The following LIPN variants were observed in gnomAD, a reference collection of about 807,000 sequenced individuals.
The protein encoded by LIPN is lipase member N.
A neutral mutation model predicts 43.7 loss-of-function variants in LIPN; 32 were observed. The ratio of observed to expected loss-of-function variants is 0.73; its 90% CI spans 0.55 to 0.98. The LOEUF (loss-of-function observed/expected upper bound fraction) is 0.98. Ranked by LOEUF, LIPN falls within the 50% of genes least tolerant of loss-of-function variation. The pLI, the probability that LIPN is intolerant of heterozygous loss-of-function variation, is 0.00. For synonymous variants in LIPN, 156 were observed against 157.6 expected (o/e 0.99, Z 0.08); for missense variants, 505 against 483.8 (o/e 1.04, Z -0.41).
At chr10:88,760,285 T>C (rs1024074895) in intron 1 of LIPN, among the ~76,000 whole-genome samples, 179 bp downstream of exon 1, 7 of 152,154 alleles carry the variant, frequency 4.6e-5, no homozygotes, top group Non-Finnish European at 8.8e-5. Flanking sequence ...TTTTAATTGA[T>C]AAAATGAGGA....
upstream of LIPN, among the ~76,000 whole-genome samples, chr10:88,757,581 T>C (rs551794098): frequency 1.3e-5 from 2 of 152,276 alleles, no homozygotes; most frequent in Admixed American, 1.3e-4. Context: ...GCCATTATTG[T>C]TTTTAAAGAT....
At chr10:88,761,543 A>G in intron 2 of LIPN, 30 bp downstream of exon 2, 1 of 1,471,654 alleles carries the variant, frequency 6.8e-7, no homozygotes, top group Non-Finnish European at 9.5e-7. Context: ...GAAGAACATC[A>G]AATAAAGCAG....
At chr10:88,777,295 C>G (rs573940890) in intron 9 of LIPN, among the ~76,000 whole-genome samples, 1 of 152,154 alleles carries the variant, frequency 6.6e-6, no homozygotes, top group Non-Finnish European at 1.5e-5. Context: ...CACCTTCCAC[C>G]TCTCTGAAAT....
chr10:88,758,274 C>T (rs752234860), upstream of LIPN, among the ~76,000 whole-genome samples: 1 of 151,240 alleles, frequency 6.6e-6, no homozygotes, highest in East Asian at 1.9e-4. Context: ...TAGCTTAGGC[C>T]GTAATATGAT....
intron 9 of LIPN, among the ~76,000 whole-genome samples, chr10:88,777,376 G>A (rs1843312422): frequency 1.3e-5 from 2 of 151,724 alleles, no homozygotes; most frequent in Non-Finnish European, 2.9e-5. Context: ...CTTTAATTTG[G>A]ACCATTTCTA....
chr10:88,764,851 G>T (rs1276651172), intron 4 of LIPN, among the ~76,000 whole-genome samples: 7 of 151,950 alleles, frequency 4.6e-5, no homozygotes, highest in Admixed American at 1.3e-4. Context: ...TGCATTAAAA[G>T]TATGTCCAAA....
chr10:88,777,970 AGCTTCCTCTCATGAATGCCCTT>A lies in LIPN; in HGVS notation c.964-34_964-13del. The A allele has an allele frequency of 7.7e-7, 1 of 1,301,510 alleles. No homozygotes were observed. The highest frequency in any genetic ancestry group is 1.1e-6 in the Non-Finnish European group (1 of 904,678). The allele number at this position is 1,301,510 out of a possible 1,614,324, so 80.6% of individuals were successfully genotyped here. On this transcript the variant is annotated splice_polypyrimidine_tract_variant and intron_variant, in intron 9 of 9. Transcript: ENST00000404459. Reference sequence around the variant, plus strand: ...AGCCTTTGTAGTTATTGCTTTGAGGAGCTTCCTCTCATGAATGCCCTTGCTTTCTCTCCCACAGAGTCATCCC... The same window carrying A: ...AGCCTTTGTAGTTATTGCTTTGAGGAGCTTTCTCTCCCACAGAGTCATCCC...
chr10:88,771,063 A>G (rs1210380816), intron 7 of LIPN, 72 bp downstream of exon 7: 8 of 1,257,038 alleles, frequency 6.4e-6, no homozygotes, highest in East Asian at 2.6e-5. Context: ...ATTTTGATAT[A>G]TCTATTTACT....
intron 3 of LIPN, among the ~76,000 whole-genome samples, chr10:88,763,169 T>C (rs912116980): frequency 5.3e-5 from 8 of 152,042 alleles, no homozygotes; most frequent in Non-Finnish European, 8.8e-5. Context: ...CTAGTTAAAA[T>C]ATGAAACACC....
chr10:88,778,137 C>A lies in LIPN; in HGVS notation c.1092C>A (p.Tyr364Ter), dbSNP rs776461817. The change falls in exon 10 of 10, where the codon TAC becomes TAA. Residue 364 changes from tyrosine (Y) to a stop codon, truncating the protein, a stop_gained. Coordinates refer to ENST00000404459, the MANE Select transcript of LIPN (RefSeq NM_001102469.2). LOFTEE classifies it high-confidence loss of function. ...RILPQIKSLH[Y>*]FKLLPDWNHF... ...TCCCTCAAATCAAGAGTCTTCATTA[C>A]TTTAAGCTATTGCCAGATTGGAACC... 4 of 1,613,630 alleles carry A rather than the reference C, an allele frequency of 2.5e-6. No homozygotes were observed. The highest frequency in any genetic ancestry group is 1.7e-5 in the Admixed American group (1 of 59,944).
At chr10:88,761,555 A>G in intron 2 of LIPN, 42 bp downstream of exon 2, 2 of 1,349,798 alleles carry the variant, frequency 1.5e-6, no homozygotes, top group Non-Finnish European at 2.1e-6. Flanking sequence ...ATAAAGCAGG[A>G]CTAATGGAGT....
In LIPN at chr10:88,779,306, C is replaced by G. The variant is rs898300697; in HGVS notation, c.*1064C>G. 4.6e-5 allele frequency among the ~76,000 whole-genome samples: 7 copies of G among 152,174 alleles called. No homozygotes were observed. Among genetic ancestry groups the G allele is most frequent in the African/African-American group, 1.7e-4 (7 of 41,442 alleles). ...GAGATGATCCTTGGAAAATCCAGAG[C>G]CAGCTCCATAATACTTTCCTGCTCT... On this transcript the variant is annotated 3_prime_UTR_variant, in exon 10 of 10. Transcript: ENST00000404459.
chr10:88,778,248 A>G lies in LIPN; in HGVS notation c.*6A>G, dbSNP rs982297335. 2 of 1,573,648 alleles carry G rather than the reference A, an allele frequency of 1.3e-6. No individual in the cohort carries two copies. The highest frequency in any genetic ancestry group is 1.7e-6 in the Non-Finnish European group (2 of 1,150,922). ...TAATGAAGGCATATTCCTAAATGCA[A>G]TGCATTTACTTTTCAATTAAAAGTT... On this transcript the variant is annotated 3_prime_UTR_variant, in exon 10 of 10. Transcript: ENST00000404459.
At chr10:88,759,192 T>C (rs532199399), upstream of LIPN, among the ~76,000 whole-genome samples, 1 of 152,254 alleles carries the variant, frequency 6.6e-6, no homozygotes, top group East Asian at 1.9e-4. Context: ...ATCTTAGGAT[T>C]TGGACAACAC....
intron 2 of LIPN, 70 bp downstream of exon 2, chr10:88,761,583 C>G: frequency 1.0e-6 from 1 of 1,001,802 alleles, no homozygotes; most frequent in Non-Finnish European, 1.5e-6. Context: ...TACGAAAGGT[C>G]CTGTTGTAAC....
At position 88,778,839 on chromosome 10, in the gene LIPN, T is replaced by C. The variant is rs1843340310; in HGVS notation, c.*597T>C. Among the ~76,000 whole-genome samples the C allele has an allele frequency of 6.6e-6, 1 of 152,218 alleles. No homozygotes were observed. The highest frequency in any genetic ancestry group is 6.5e-5 in the Admixed American group (1 of 15,278). On this transcript the variant is annotated 3_prime_UTR_variant, in exon 10 of 10. Coordinates refer to ENST00000404459, the MANE Select transcript of LIPN (RefSeq NM_001102469.2). ...CTGCGTAAACGGAATCTTGAACCCA[T>C]AATAGGATACATGTATAAAATCTTC...
chr10:88,775,190 T>G, intron 9 of LIPN, 27 bp downstream of exon 9: 1 of 1,433,028 alleles, frequency 7.0e-7, no homozygotes, highest in Non-Finnish European at 9.5e-7. Flanking sequence ...AACCCCAGCA[T>G]GCTGATTTTG....
intron 9 of LIPN, 120 bp from the exon 10 acceptor site, chr10:88,777,889 C>T: frequency 1.6e-6 from 1 of 607,846 alleles, no homozygotes; most frequent in Non-Finnish European, 2.9e-6. Flanking sequence ...TGTATGTTTT[C>T]TTCATATGTT....
intron 2 of LIPN, among the ~76,000 whole-genome samples, chr10:88,761,797 ATC>A (rs1843006007): frequency 6.7e-6 from 1 of 150,114 alleles, no homozygotes; most frequent in Non-Finnish European, 1.5e-5. Context: ...CTATCTATCT[ATC>A]TATAGATAGA....
Sources: gnomAD v4.1 joint callset for allele counts (sites outside exome capture counted in the v4.1 genomes callset) on GRCh38, gnomAD v4.1.1 for gene constraint, MANE v1.5 for transcripts, NCBI Gene and HGNC (gene_info 2026-07-23, HGNC 2026-07-21) for gene names.